The following SPHKAP variants were observed in gnomAD, a reference collection of about 807,000 sequenced individuals.
The protein encoded by SPHKAP is A-kinase anchor protein SPHKAP.
In SPHKAP, 67 loss-of-function variants were observed where a neutral mutation model predicts 137.5. The observed-to-expected ratio is 0.49, with a 90% CI of 0.40 to 0.60. The LOEUF is 0.60. Among genes scored for constraint, SPHKAP ranks in the 20% least tolerant of loss-of-function variants. SPHKAP has a pLI of 0.00. For synonymous variants in SPHKAP, 813 were observed against 785.3 expected (o/e 1.04, Z -0.59); for missense variants, 2,097 against 2,069.3 (o/e 1.01, Z -0.26).
At chr2:228,012,107 G>A (rs1279821360) in intron 7 of SPHKAP, among the ~76,000 whole-genome samples, 2 of 150,036 alleles carry the variant, frequency 1.3e-5, no homozygotes, top group African/African-American at 4.9e-5. Context: ...GGTTGGGGCT[G>A]CGGTGAGCCA....
At position 228,016,623 on chromosome 2, in the gene SPHKAP, G is replaced by A. The variant is rs749391388; in HGVS notation, c.4231C>T (p.Pro1411Ser). 4 of 1,613,372 alleles carry A rather than the reference G, an allele frequency of 2.5e-6. No individual in the cohort carries two copies. The highest frequency in any genetic ancestry group is 1.7e-5 in the Admixed American group (1 of 59,826). ...SKKETSSCQD[P>S]VPINHKRRSL... is the part of the protein sequence containing the mutation. ...CGCCTTTTGTGGTTTATTGGTACAGGGTCCTGGCACGAGGAAGTTTCTTTT... is the reference window on the plus strand; with the variant it reads ...CGCCTTTTGTGGTTTATTGGTACAGAGTCCTGGCACGAGGAAGTTTCTTTT... The change falls in exon 7 of 12, where the codon CCT becomes TCT. Residue 1411 changes from proline (P) to serine (S), a missense_variant. Pro to Ser is a moderately conservative substitution (Grantham distance 74). Coordinates refer to ENST00000392056, the MANE Select transcript of SPHKAP (RefSeq NM_001142644.2).
intron 3 of SPHKAP, among the ~76,000 whole-genome samples, chr2:228,046,917 T>A (rs1219648056): frequency 2.0e-5 from 3 of 152,188 alleles, no homozygotes; most frequent in African/African-American, 4.8e-5. Flanking sequence ...AACCTCATTA[T>A]GATTCCACAT....
chr2:228,106,277 T>C (rs1414903950), intron 3 of SPHKAP, among the ~76,000 whole-genome samples: 2 of 152,152 alleles, frequency 1.3e-5, no homozygotes, highest in Non-Finnish European at 2.9e-5. Flanking sequence ...ATCTAAACAC[T>C]AGAAGTTCAT....
intron 8 of SPHKAP, among the ~76,000 whole-genome samples, chr2:227,994,383 T>A (rs942368922): frequency 1.3e-5 from 2 of 152,186 alleles, no homozygotes; most frequent in African/African-American, 4.8e-5. Flanking sequence ...TTTTAGGCTC[T>A]GTTTGTGCTT....
chr2:228,038,307 A>G (rs1695710376), intron 3 of SPHKAP, among the ~76,000 whole-genome samples: 1 of 152,178 alleles, frequency 6.6e-6, no homozygotes, highest in Non-Finnish European at 1.5e-5. Context: ...GTCAGGGGAC[A>G]TGTTTACAGT....
At chr2:228,007,652 T>C (rs1379771438) in intron 7 of SPHKAP, among the ~76,000 whole-genome samples, 2 of 152,170 alleles carry the variant, frequency 1.3e-5, no homozygotes, top group African/African-American at 4.8e-5. Flanking sequence ...ATTTCCTGAT[T>C]TCAAAATATA....
intron 7 of SPHKAP, among the ~76,000 whole-genome samples, chr2:228,006,954 G>A (rs1319380955): frequency 6.6e-6 from 1 of 152,156 alleles, no homozygotes; most frequent in African/African-American, 2.4e-5. Flanking sequence ...CCCCTACTGC[G>A]GGATGCCTCC....
chr2:228,028,124 T>C, intron 3 of SPHKAP: 14 of 886,168 alleles, frequency 1.6e-5, no homozygotes, highest in Non-Finnish European at 1.9e-5. Context: ...TTAGAGCCAA[T>C]AGAACAGTTA....
intron 3 of SPHKAP, among the ~76,000 whole-genome samples, chr2:228,080,339 A>G (rs1393011169): frequency 6.6e-6 from 1 of 152,256 alleles, no homozygotes; most frequent in Non-Finnish European, 1.5e-5. Context: ...TTGTCAAAAT[A>G]AGACATACAA....
At chr2:228,078,635 A>T (rs1697258174) in intron 3 of SPHKAP, among the ~76,000 whole-genome samples, 1 of 152,152 alleles carries the variant, frequency 6.6e-6, no homozygotes, top group African/African-American at 2.4e-5. Flanking sequence ...CACACACAAA[A>T]ATACCTTCAC....
intron 11 of SPHKAP, 32 bp downstream of exon 11, chr2:227,990,968 C>T (rs72973313): frequency 0.081 from 130,383 of 1,605,156 alleles, 5,977 homozygotes; most frequent in Middle Eastern, 0.17. Flanking sequence ...AAACACAAAG[C>T]TTTCTTGTTT....
At chr2:228,092,240 C>T (rs1181143983) in intron 3 of SPHKAP, among the ~76,000 whole-genome samples, 2 of 146,118 alleles carry the variant, frequency 1.4e-5, no homozygotes, top group Non-Finnish European at 3.0e-5. Context: ...CACATGTATA[C>T]ACACGTGTAT....
intron 3 of SPHKAP, among the ~76,000 whole-genome samples, chr2:228,048,755 T>A (rs1299020853): frequency 1.3e-5 from 2 of 152,118 alleles, no homozygotes; most frequent in African/African-American, 2.4e-5. Flanking sequence ...GGATTAGTAA[T>A]GTTGTTCATT....
intron 3 of SPHKAP, among the ~76,000 whole-genome samples, chr2:228,037,814 A>G (rs1695683278): frequency 6.6e-6 from 1 of 152,252 alleles, no homozygotes; most frequent in African/African-American, 2.4e-5. Context: ...ACTGGGGCCT[A>G]TGCACATTAA....
In SPHKAP at chr2:228,018,139, C is replaced by T. The variant is rs998685861; in HGVS notation, c.2715G>A (p.Gly905=). The change falls in exon 7 of 12, where the codon GGG becomes GGA. Residue 905 remains glycine, a synonymous_variant. Coordinates refer to ENST00000392056, the MANE Select transcript of SPHKAP (RefSeq NM_001142644.2). The part of the protein sequence containing the change: ...NEVQVNLSLL[G]DDLLLPAQST... ...ATTGAGCAGGAAGCAGCAGGTCATC[C>T]CCTAACAAGGACAGGTTGACTTGAA... The T allele has an allele frequency of 6.2e-7, 1 of 1,614,120 alleles. No homozygotes were observed. The highest frequency in any genetic ancestry group is 2.2e-5 in the East Asian group (1 of 44,860).
chr2:228,120,617 A>C (rs1378302514), intron 2 of SPHKAP, among the ~76,000 whole-genome samples: 1 of 152,160 alleles, frequency 6.6e-6, no homozygotes, highest in East Asian at 1.9e-4. Flanking sequence ...ATATTCTGGA[A>C]GCTACACTGT....
At chr2:228,164,996 A>G (rs1202581305) in intron 1 of SPHKAP, among the ~76,000 whole-genome samples, 1 of 152,194 alleles carries the variant, frequency 6.6e-6, no homozygotes, top group Non-Finnish European at 1.5e-5. Context: ...ACTTGTGTTC[A>G]TTATTGCATT....
At chr2:228,007,556 T>G (rs1338989086) in intron 7 of SPHKAP, among the ~76,000 whole-genome samples, 1 of 152,130 alleles carries the variant, frequency 6.6e-6, no homozygotes, top group Non-Finnish European at 1.5e-5. Context: ...ATACGTGAGA[T>G]CAGACTGTAT....
At chr2:228,147,599 T>C (rs1699811125) in intron 1 of SPHKAP, among the ~76,000 whole-genome samples, 1 of 152,162 alleles carries the variant, frequency 6.6e-6, no homozygotes, top group East Asian at 1.9e-4. Context: ...GACTGTCACT[T>C]TTACGAGTTC....
Sources: gnomAD v4.1 joint callset for allele counts (sites outside exome capture counted in the v4.1 genomes callset) on GRCh38, gnomAD v4.1.1 for gene constraint, MANE v1.5 for transcripts, NCBI Gene and HGNC (gene_info 2026-07-23, HGNC 2026-07-21) for gene names.